Variants in CHRM3 observed in about 807,000 individuals in gnomAD.
The protein encoded by CHRM3 is cholinergic receptor muscarinic 3, also known as muscarinic acetylcholine receptor M3.
Under a neutral mutation model 41.8 loss-of-function variants are expected in CHRM3, and 11 were observed. That is an observed-to-expected ratio of 0.26 (90% CI 0.17 to 0.44). The LOEUF is 0.44. Among genes scored for constraint, CHRM3 ranks in the 20% least tolerant of loss-of-function variants. The pLI, the probability that CHRM3 is intolerant of heterozygous loss-of-function variation, is 1.00. For missense variants in CHRM3, 571 were observed against 745.4 expected, an observed-to-expected ratio of 0.77 and a Z score of 2.72; for synonymous variants, 297 against 301.4, an observed-to-expected ratio of 0.99 and a Z score of 0.15.
At chr1:239,517,895 C>A (rs1669378809) in intron 2 of CHRM3, among the ~76,000 whole-genome samples, 1 of 152,130 alleles carries the variant, frequency 6.6e-6, no homozygotes, top group Non-Finnish European at 1.5e-5. Context: ...ATCATGAGGT[C>A]AGGAGTTTGA....
intron 6 of CHRM3, among the ~76,000 whole-genome samples, chr1:239,877,803 G>A (rs567158118): frequency 1.3e-5 from 2 of 151,992 alleles, no homozygotes; most frequent in South Asian, 2.1e-4. Context: ...TTTTGTGGAC[G>A]ACAATTTTTC....
intron 5 of CHRM3, among the ~76,000 whole-genome samples, chr1:239,711,990 C>G (rs1047991377): frequency 2.0e-5 from 3 of 152,168 alleles, no homozygotes; most frequent in Non-Finnish European, 2.9e-5. Flanking sequence ...CCCATCCCCC[C>G]AGGCTTAGAT....
rs115155278 is a variant in CHRM3, at chr1:239,665,656, G to T, written c.-249-12530G>T. 1.1e-3 allele frequency among the ~76,000 whole-genome samples: 164 copies of T among 152,170 alleles called. 1 individual carries two copies. The highest frequency in any genetic ancestry group is 3.6e-3 in the African/African-American group (151 of 41,522). ...ATCTACATTAGGTATTTCTCCTAAT[G>T]CTGTCTCTCCACTAGCCCCTTGCCC... is the stretch of plus-strand genomic sequence containing the variant. On this transcript the variant is annotated intron_variant, in intron 4 of 6. Coordinates refer to ENST00000676153, the MANE Select transcript of CHRM3 (RefSeq NM_001375978.1).
intron 2 of CHRM3, among the ~76,000 whole-genome samples, chr1:239,495,698 A>G (rs191421190): frequency 6.6e-6 from 1 of 152,246 alleles, no homozygotes; most frequent in Admixed American, 6.5e-5. Context: ...CCCTTATAGA[A>G]TGGGGATGGT....
chr1:239,763,622 T>C (rs1022173208), intron 5 of CHRM3, among the ~76,000 whole-genome samples: 14 of 152,190 alleles, frequency 9.2e-5, no homozygotes, highest in Non-Finnish European at 1.3e-4. Flanking sequence ...GTAAATATTA[T>C]TGTCTGTAAT....
At chr1:239,481,915 A>T (rs1666880340) in intron 1 of CHRM3, among the ~76,000 whole-genome samples, 1 of 152,166 alleles carries the variant, frequency 6.6e-6, no homozygotes, top group South Asian at 2.1e-4. Flanking sequence ...AGTGATTGAT[A>T]ACTTTTGAAC....
At chr1:239,803,354 A>G (rs2148932554) in intron 5 of CHRM3, among the ~76,000 whole-genome samples, 1 of 152,248 alleles carries the variant, frequency 6.6e-6, no homozygotes, top group Admixed American at 6.5e-5. Flanking sequence ...TCTTCATAGT[A>G]TTTACTTCCT....
chr1:239,715,981 C>A (rs1025894661), intron 5 of CHRM3, among the ~76,000 whole-genome samples: 1 of 152,018 alleles, frequency 6.6e-6, no homozygotes, highest in African/African-American at 2.4e-5. Context: ...TACCATTCTG[C>A]AGAGTCACAT....
chr1:239,857,905 A>G (rs1388420259), intron 6 of CHRM3, among the ~76,000 whole-genome samples: 2 of 152,148 alleles, frequency 1.3e-5, no homozygotes, highest in African/African-American at 4.8e-5. Context: ...ATGTTCTGTT[A>G]TAACATTATT....
chr1:239,502,552 G>T (rs749357485), intron 2 of CHRM3, among the ~76,000 whole-genome samples: 1 of 152,162 alleles, frequency 6.6e-6, no homozygotes, highest in South Asian at 2.1e-4. Flanking sequence ...CCACAAGGCA[G>T]AGAAAGAAGG....
intron 5 of CHRM3, among the ~76,000 whole-genome samples, chr1:239,775,654 A>G (rs1483425142): frequency 6.6e-6 from 1 of 152,216 alleles, no homozygotes; most frequent in African/African-American, 2.4e-5. Flanking sequence ...TGGTGGAAGA[A>G]AGCACAAGGT....
At chr1:239,459,257 T>C (rs1665185463) in intron 1 of CHRM3, among the ~76,000 whole-genome samples, 1 of 152,140 alleles carries the variant, frequency 6.6e-6, no homozygotes, top group South Asian at 2.1e-4. Flanking sequence ...ATAACAGTCA[T>C]AATTAAAGCC....
chr1:239,894,263 T>C (rs1032803817), intron 6 of CHRM3, among the ~76,000 whole-genome samples: 2 of 152,138 alleles, frequency 1.3e-5, no homozygotes, highest in African/African-American at 4.8e-5. Context: ...AATAGTAAAA[T>C]AAAAACGTAT....
chr1:239,616,750 A>G (rs1311693931), intron 3 of CHRM3, among the ~76,000 whole-genome samples: 1 of 152,004 alleles, frequency 6.6e-6, no homozygotes. Flanking sequence ...TCAGGAGCTC[A>G]TTAGATTTTC....
chr1:239,498,290 T>A (rs577865281), intron 2 of CHRM3, among the ~76,000 whole-genome samples: 1 of 152,316 alleles, frequency 6.6e-6, no homozygotes, highest in East Asian at 1.9e-4. Flanking sequence ...TGTCTATGAT[T>A]GAGAGGTTTT....
chr1:239,574,804 T>G (rs1358187200), intron 3 of CHRM3, among the ~76,000 whole-genome samples: 1 of 152,102 alleles, frequency 6.6e-6, no homozygotes, highest in Non-Finnish European at 1.5e-5. Context: ...CTCTTCTTTC[T>G]TTCTTCCTCC....
chr1:239,455,330 C>A (rs1419643323), intron 1 of CHRM3, among the ~76,000 whole-genome samples: 1 of 151,980 alleles, frequency 6.6e-6, no homozygotes, highest in African/African-American at 2.4e-5. Flanking sequence ...GGATTACAGA[C>A]CTGAGCCACA....
intron 5 of CHRM3, among the ~76,000 whole-genome samples, chr1:239,804,874 C>A (rs1340492684): frequency 6.6e-6 from 1 of 152,178 alleles, no homozygotes; most frequent in Non-Finnish European, 1.5e-5. Flanking sequence ...CTTGTGCCAG[C>A]TCTTTTCTTC....
intron 3 of CHRM3, among the ~76,000 whole-genome samples, chr1:239,602,560 G>A (rs1163848872): frequency 1.3e-5 from 2 of 152,066 alleles, no homozygotes; most frequent in Non-Finnish European, 2.9e-5. Context: ...TAAGTTCAAT[G>A]TGCAAGTAAT....
Sources: allele counts gnomAD v4.1 joint callset (sites outside exome capture counted in the v4.1 genomes callset), GRCh38; gene constraint gnomAD v4.1.1; transcripts MANE v1.5; gene names NCBI Gene and HGNC (gene_info 2026-07-23, HGNC 2026-07-21).